The following RASGEF1A variants were observed in gnomAD, a reference collection of about 807,000 sequenced individuals.
RASGEF1A encodes RasGEF domain family member 1A.
In RASGEF1A, 18 loss-of-function variants were observed where a neutral mutation model predicts 56.4. The ratio of observed to expected loss-of-function variants is 0.32; its 90% CI spans 0.22 to 0.47. The LOEUF is 0.47. RASGEF1A is among the 20% of genes least tolerant of loss of function. The pLI, the probability that RASGEF1A is intolerant of heterozygous loss-of-function variation, is 1.00. For missense variants in RASGEF1A, 422 were observed against 627.1 expected (o/e 0.67, Z 3.49); for synonymous variants, 245 against 242.6 (o/e 1.01, Z -0.09).
intron 3 of RASGEF1A, chr10:43,202,770 C>T (rs927002440): frequency 8.7e-6 from 4 of 462,246 alleles, no homozygotes; most frequent in Admixed American, 2.4e-5. Flanking sequence ...CCACCACGCC[C>T]CTAACCCGGA....
At chr10:43,203,153 G>C in intron 3 of RASGEF1A, 145 bp downstream of exon 3, 3 of 208,816 alleles carry the variant, frequency 1.4e-5, no homozygotes, top group Non-Finnish European at 2.5e-5. Flanking sequence ...CCATCCCACA[G>C]TCCCAGCCAG....
chr10:43,223,501 C>T (rs1458907157), intron 1 of RASGEF1A, among the ~76,000 whole-genome samples: 1 of 152,120 alleles, frequency 6.6e-6, no homozygotes, highest in Non-Finnish European at 1.5e-5. Flanking sequence ...CAGAAAAGTT[C>T]ATAGACTTCA....
chr10:43,261,328 C>G (rs1346094569), intron 1 of RASGEF1A, among the ~76,000 whole-genome samples: 2 of 152,214 alleles, frequency 1.3e-5, no homozygotes, highest in Non-Finnish European at 2.9e-5. Context: ...CCAGAAACAC[C>G]TAGGCCAGAG....
intron 2 of RASGEF1A, chr10:43,203,645 A>G: frequency 1.7e-6 from 2 of 1,206,620 alleles, no homozygotes; most frequent in Admixed American, 3.8e-5. Context: ...GCCTCCCAGC[A>G]GCTCTCCCAG....
intron 1 of RASGEF1A, among the ~76,000 whole-genome samples, chr10:43,210,932 T>C (rs11238474): frequency 5.4e-5 from 3 of 55,190 alleles, no homozygotes; most frequent in African/African-American, 1.3e-4. Flanking sequence ...TGCAGGGAGT[T>C]GGGGACAGGC....
intron 1 of RASGEF1A, among the ~76,000 whole-genome samples, chr10:43,213,200 T>C (rs781313513): frequency 1.3e-5 from 2 of 151,544 alleles, no homozygotes; most frequent in South Asian, 2.1e-4. Flanking sequence ...TTTGCAGCAA[T>C]GTATTGTATA....
intron 10 of RASGEF1A, among the ~76,000 whole-genome samples, chr10:43,197,345 GTC>G (rs1232140661): frequency 1.3e-5 from 2 of 152,256 alleles, no homozygotes; most frequent in African/African-American, 4.8e-5. Context: ...CGGCAGCAGG[GTC>G]TCTGCCTGTC....
At chr10:43,209,293 C>T in intron 1 of RASGEF1A, 1 of 860,810 alleles carries the variant, frequency 1.2e-6, no homozygotes, top group Non-Finnish European at 1.4e-6. Flanking sequence ...CCGTTATTCC[C>T]TTACGCAGAC....
intron 1 of RASGEF1A, among the ~76,000 whole-genome samples, chr10:43,262,477 C>T (rs986061990): frequency 5.9e-5 from 9 of 152,210 alleles, no homozygotes; most frequent in Admixed American, 3.3e-4. Flanking sequence ...CCTCTCCTCT[C>T]CTCTCCCTGG....
At chr10:43,243,593 G>A (rs1334363453) in intron 1 of RASGEF1A, among the ~76,000 whole-genome samples, 28 of 147,536 alleles carry the variant, frequency 1.9e-4, no homozygotes, top group Admixed American at 5.4e-4. Context: ...CTGCCTGGCC[G>A]CTGCCCCATC....
intron 2 of RASGEF1A, 188 bp from the exon 3 acceptor site, chr10:43,203,608 C>A: frequency 8.1e-7 from 1 of 1,240,802 alleles, no homozygotes; most frequent in Non-Finnish European, 1.1e-6. Flanking sequence ...CCGGCCCTGC[C>A]TACCTAGGAG....
rs750143217 is a variant in RASGEF1A at position 43,200,226 on chromosome 10, A to G, written c.712T>C (p.Leu238=). Residue 238 remains leucine, a synonymous_variant, in exon 6 of 13, where the codon TTG becomes CTG. Coordinates refer to ENST00000395810, the MANE Select transcript of RASGEF1A (RefSeq NM_145313.4). ...TCCATGTGGCTGACGATCTGCATCA[A>G]GTCCTCAGGGTAAATGCTGCTGACC... ...DRVSSIYPED[L]MQIVSHMDSL... The G allele has an allele frequency of 6.2e-7, 1 of 1,607,980 alleles. No individual in the cohort carries two copies. Among genetic ancestry groups the G allele is most frequent in the East Asian group, 2.2e-5 (1 of 44,776 alleles).
intron 1 of RASGEF1A, among the ~76,000 whole-genome samples, chr10:43,251,577 A>T (rs554603778): frequency 6.6e-6 from 1 of 152,286 alleles, no homozygotes; most frequent in East Asian, 1.9e-4. Flanking sequence ...GAAAATTGAG[A>T]TGTCAGCCCA....
intron 7 of RASGEF1A, 49 bp downstream of exon 7, chr10:43,199,627 T>C: frequency 4.2e-6 from 6 of 1,432,516 alleles, no homozygotes; most frequent in Non-Finnish European, 5.9e-6. Context: ...AGGGTCTCAC[T>C]GGGTGTGGGC....
intron 1 of RASGEF1A, among the ~76,000 whole-genome samples, chr10:43,264,563 G>A (rs1052081370): frequency 6.6e-6 from 1 of 151,502 alleles, no homozygotes; most frequent in Non-Finnish European, 1.5e-5. Context: ...GAGTGGGTGG[G>A]AGTTACAGGA....
intron 1 of RASGEF1A, among the ~76,000 whole-genome samples, chr10:43,229,294 C>T (rs895810434): frequency 6.6e-6 from 1 of 152,234 alleles, no homozygotes; most frequent in African/African-American, 2.4e-5. Flanking sequence ...GACCACCCCT[C>T]GCCCGGCACA....
intron 1 of RASGEF1A, among the ~76,000 whole-genome samples, chr10:43,254,811 C>A (rs1373817369): frequency 6.6e-6 from 1 of 152,140 alleles, no homozygotes; most frequent in African/African-American, 2.4e-5. Context: ...CCAGAATAAT[C>A]CCTGACTAAA....
At chr10:43,221,626 G>A (rs566442529) in intron 1 of RASGEF1A, among the ~76,000 whole-genome samples, 1 of 152,384 alleles carries the variant, frequency 6.6e-6, no homozygotes, top group East Asian at 1.9e-4. Context: ...GCCTGACCCA[G>A]GAGGAGCTGC....
chr10:43,222,826 G>A (rs1218704172), intron 1 of RASGEF1A, among the ~76,000 whole-genome samples: 2 of 152,220 alleles, frequency 1.3e-5, no homozygotes, highest in South Asian at 2.1e-4. Context: ...ATCTGAAGTC[G>A]AGGGAGGGGG....
Sources: allele counts gnomAD v4.1 joint callset (sites outside exome capture counted in the v4.1 genomes callset), GRCh38; gene constraint gnomAD v4.1.1; transcripts MANE v1.5; gene names NCBI Gene and HGNC (gene_info 2026-07-23, HGNC 2026-07-21).